The following ZNF704 variants were observed in gnomAD, a reference collection of about 807,000 sequenced individuals.
ZNF704 encodes glucocorticoid induced gene 1.
A neutral mutation model predicts 44.7 loss-of-function variants in ZNF704; 10 were observed. The observed-to-expected ratio is 0.22, with a 90% CI of 0.14 to 0.38. The LOEUF (loss-of-function observed/expected upper bound fraction) is 0.38, where lower values mean the gene tolerates loss of function less well. Among genes scored for constraint, ZNF704 ranks in the 10% least tolerant of loss-of-function variants. The pLI, the probability that ZNF704 is intolerant of heterozygous loss-of-function variation, is 1.00. For missense variants in ZNF704, 390 were observed against 545.5 expected, an observed-to-expected ratio of 0.71 and a Z score of 2.84; for synonymous variants, 211 against 207.6, an observed-to-expected ratio of 1.02 and a Z score of -0.14.
intron 8 of ZNF704, 83 bp from the exon 9 acceptor site, chr8:80,641,560 G>T: frequency 2.9e-6 from 2 of 698,012 alleles, no homozygotes; most frequent in Non-Finnish European, 4.2e-6. Flanking sequence ...CCTTGCAAGA[G>T]TGAGGGAGGA....
At chr8:80,762,445 GCAA>G (rs1807148385) in intron 2 of ZNF704, among the ~76,000 whole-genome samples, 1 of 152,154 alleles carries the variant, frequency 6.6e-6, no homozygotes, top group African/African-American at 2.4e-5. Flanking sequence ...AGACTGAAGT[GCAA>G]GCAGAGGAAA....
intron 2 of ZNF704, among the ~76,000 whole-genome samples, chr8:80,818,824 C>T (rs1473598425): frequency 6.6e-6 from 1 of 152,146 alleles, no homozygotes; most frequent in Non-Finnish European, 1.5e-5. Context: ...CCTACATCTT[C>T]CTACTGTATC....
intron 2 of ZNF704, chr8:80,694,319 G>T (rs1322793010): frequency 6.6e-6 from 1 of 152,116 alleles, no homozygotes; most frequent in African/African-American, 2.4e-5. Flanking sequence ...CTGAATAAAG[G>T]TTCATAAGAT....
chr8:80,763,214 C>A (rs1035640485), intron 2 of ZNF704, among the ~76,000 whole-genome samples: 4 of 152,202 alleles, frequency 2.6e-5, no homozygotes, highest in African/African-American at 9.7e-5. Context: ...TGGCAGTGTC[C>A]CAGTGGGGAC....
At chr8:80,851,970 A>G (rs1217471226) in intron 1 of ZNF704, among the ~76,000 whole-genome samples, 2 of 152,134 alleles carry the variant, frequency 1.3e-5, no homozygotes, top group Non-Finnish European at 2.9e-5. Flanking sequence ...GAGAGTAAGG[A>G]CTGAGGAAAA....
intron 1 of ZNF704, among the ~76,000 whole-genome samples, chr8:80,841,402 T>G (rs1224757645): frequency 6.6e-6 from 1 of 152,170 alleles, no homozygotes; most frequent in Non-Finnish European, 1.5e-5. Flanking sequence ...GCATTTCTTT[T>G]TTTTTCCCTT....
At chr8:80,850,964 C>A (rs1808849231) in intron 1 of ZNF704, among the ~76,000 whole-genome samples, 1 of 152,164 alleles carries the variant, frequency 6.6e-6, no homozygotes, top group Non-Finnish European at 1.5e-5. Flanking sequence ...ATGGGGATAC[C>A]TTCTGAGAAA....
At chr8:80,871,711 A>T (rs1809255432) in intron 1 of ZNF704, among the ~76,000 whole-genome samples, 1 of 152,392 alleles carries the variant, frequency 6.6e-6, no homozygotes, top group Admixed American at 6.5e-5. Flanking sequence ...GCATGAATAT[A>T]TGTAAGAGGT....
At chr8:80,769,782 G>C (rs761189630) in intron 2 of ZNF704, among the ~76,000 whole-genome samples, 62 of 152,196 alleles carry the variant, frequency 4.1e-4, no homozygotes, top group Non-Finnish European at 7.9e-4. Flanking sequence ...ACCTCTGCCT[G>C]TTACCCGGGT....
intron 2 of ZNF704, among the ~76,000 whole-genome samples, chr8:80,759,714 C>T (rs1314669329): frequency 2.0e-5 from 3 of 152,068 alleles, no homozygotes; most frequent in African/African-American, 7.2e-5. Flanking sequence ...GGAGAGGATC[C>T]CTCCCCACTT....
chr8:80,769,424 T>C (rs540939861), intron 2 of ZNF704, among the ~76,000 whole-genome samples: 2 of 152,306 alleles, frequency 1.3e-5, no homozygotes, highest in East Asian at 3.9e-4. Context: ...CTGGGCAATT[T>C]ACAAAAGAAA....
chr8:80,778,566 T>C (rs1179280963), intron 2 of ZNF704, among the ~76,000 whole-genome samples: 2 of 152,162 alleles, frequency 1.3e-5, no homozygotes, highest in Non-Finnish European at 2.9e-5. Flanking sequence ...CAAATGTTCA[T>C]TACTATACTA....
chr8:80,817,536 C>T (rs1445389392), intron 2 of ZNF704, among the ~76,000 whole-genome samples: 1 of 152,234 alleles, frequency 6.6e-6, no homozygotes, highest in Non-Finnish European at 1.5e-5. Context: ...ATTTCTCTCT[C>T]AGGTGTTTCT....
chr8:80,824,900 GC>G (rs1808345602), intron 1 of ZNF704, among the ~76,000 whole-genome samples: 1 of 152,146 alleles, frequency 6.6e-6, no homozygotes, highest in Non-Finnish European at 1.5e-5. Context: ...CACCAGGCCT[GC>G]CCTAAAAGAG....
intron 5 of ZNF704, among the ~76,000 whole-genome samples, chr8:80,667,412 A>G (rs1248881608): frequency 6.6e-6 from 1 of 152,206 alleles, no homozygotes; most frequent in Non-Finnish European, 1.5e-5. Context: ...ATTCCAGATG[A>G]GCAGGACAGG....
chr8:80,825,654 G>A (rs545428020), intron 1 of ZNF704, among the ~76,000 whole-genome samples: 112 of 152,162 alleles, frequency 7.4e-4, no homozygotes, highest in African/African-American at 2.5e-3. Context: ...CACTTATTCC[G>A]AAATTGACCA....
chr8:80,833,172 C>T (rs1808497637), intron 1 of ZNF704, among the ~76,000 whole-genome samples: 1 of 152,052 alleles, frequency 6.6e-6, no homozygotes, highest in Admixed American at 6.6e-5. Context: ...ATGGTGAAAC[C>T]CCGTCTCTAC....
At chr8:80,780,552 T>C (rs1368628486) in intron 2 of ZNF704, among the ~76,000 whole-genome samples, 1 of 152,118 alleles carries the variant, frequency 6.6e-6, no homozygotes, top group Non-Finnish European at 1.5e-5. Context: ...ATAATTATAT[T>C]AAGGATCTTG....
intron 3 of ZNF704, among the ~76,000 whole-genome samples, chr8:80,690,364 C>T (rs891675746): frequency 1.3e-5 from 2 of 152,030 alleles, no homozygotes; most frequent in Admixed American, 6.5e-5. Flanking sequence ...TCTTTTTCCT[C>T]GAAGGATTCC....
Sources: gnomAD v4.1 joint callset for allele counts (sites outside exome capture counted in the v4.1 genomes callset) on GRCh38, gnomAD v4.1.1 for gene constraint, MANE v1.5 for transcripts, NCBI Gene and HGNC (gene_info 2026-07-23, HGNC 2026-07-21) for gene names.